TSPEAR: variants seen among roughly 807,000 people sequenced by gnomAD.
The protein encoded by TSPEAR is thrombospondin type laminin G domain and EAR repeats.
A neutral mutation model predicts 71.6 loss-of-function variants in TSPEAR; 69 were observed. The observed-to-expected ratio is 0.96, with a 90% CI of 0.79 to 1.18. The LOEUF is 1.18. TSPEAR is among the 50% of genes most tolerant of loss of function. The probability of loss-of-function intolerance (pLI) is 0.00; values close to 1 mark genes in which losing one functional copy is unlikely to be tolerated. For missense variants in TSPEAR, 971 were observed against 894.9 expected (o/e 1.09, Z -1.09); for synonymous variants, 402 against 387.2 (o/e 1.04, Z -0.45).
intron 11 of TSPEAR, among the ~76,000 whole-genome samples, chr21:44,504,515 G>T (rs112069440): frequency 3.0e-4 from 40 of 133,920 alleles, no homozygotes; most frequent in East Asian, 4.7e-4. Flanking sequence ...GCAAGGCTCT[G>T]GGAGGAGGCC....
chr21:44,533,881 G>C lies in TSPEAR; in HGVS notation c.346C>G (p.Leu116Val). The C allele has an allele frequency of 3.7e-6, 6 of 1,612,156 alleles. No homozygotes were observed. The highest frequency in any genetic ancestry group is 3.4e-6 in the Non-Finnish European group (4 of 1,179,806). Residue 116 changes from leucine to valine, a missense_variant, in exon 3 of 12, where the codon CTG becomes GTG. Transcript: ENST00000323084. ...LLTVVAEESD[L>V]LLLGLRLSPA... ...GACAACCGCAGGCCGAGCAGCAGCAGGTCGCTCTCCTCTGCCACCACCGTC... is the reference window on the plus strand; with the variant it reads ...GACAACCGCAGGCCGAGCAGCAGCACGTCGCTCTCCTCTGCCACCACCGTC...
chr21:44,549,688 C>T (rs1231559618), intron 2 of TSPEAR, among the ~76,000 whole-genome samples: 2 of 152,250 alleles, frequency 1.3e-5, no homozygotes, highest in African/African-American at 4.8e-5. Context: ...TTTGAAACCA[C>T]ATCTGGCTAC....
intron 2 of TSPEAR, among the ~76,000 whole-genome samples, chr21:44,555,366 C>A (rs1440341493): frequency 2.0e-5 from 3 of 151,792 alleles, no homozygotes; most frequent in Admixed American, 1.3e-4. Flanking sequence ...AGCCTCCTCT[C>A]CCATCCTCCC....
intron 1 of TSPEAR, among the ~76,000 whole-genome samples, chr21:44,583,622 G>A (rs1979147971): frequency 6.6e-6 from 1 of 152,102 alleles, no homozygotes. Context: ...TGTTCCAGTG[G>A]CTTTTCTACT....
chr21:44,545,570 G>A (rs2053291308), intron 2 of TSPEAR, among the ~76,000 whole-genome samples: 1 of 152,000 alleles, frequency 6.6e-6, no homozygotes, highest in South Asian at 2.1e-4. Flanking sequence ...TATCTTCTCT[G>A]ATTATAATGG....
intron 10 of TSPEAR, among the ~76,000 whole-genome samples, chr21:44,507,550 A>G (rs1339018580): frequency 6.6e-6 from 1 of 152,202 alleles, no homozygotes; most frequent in Admixed American, 6.5e-5. Context: ...TCTGTGTTTC[A>G]TAATTTAGTT....
chr21:44,694,022 A>G lies in TSPEAR; in HGVS notation c.82+17411T>C, dbSNP rs1285599819. Among the ~76,000 whole-genome samples, 3 of 152,226 alleles carry G rather than the reference A, an allele frequency of 2.0e-5. No homozygotes were observed. In the East Asian group the frequency reaches 5.8e-4, roughly 29 times the overall value. On this transcript the variant is annotated intron_variant, in intron 1 of 11. Transcript: ENST00000323084. ...GCTACAGTAATCAAAACAGTGTGGT[A>G]CTAACATAAGGATAGACACAAAAAG...
intron 9 of TSPEAR, chr21:44,511,217 TGCCTGCACAC>T (rs2052363601): frequency 1.3e-5 from 2 of 152,340 alleles, no homozygotes; most frequent in Admixed American, 6.5e-5. Flanking sequence ...TGTGTACACA[TGCCTGCACAC>T]ACCTGCACAC....
At position 44,689,705 on chromosome 21, in the gene TSPEAR, T is replaced by C. The variant is rs1424091176; in HGVS notation, c.82+21728A>G. On this transcript the variant is annotated intron_variant, in intron 1 of 11. Transcript: ENST00000323084. ...TTAGGGTTCCCTTAGAGGGACAGAA[T>C]AGAATGAATATATATATATATATAT... is the stretch of plus-strand genomic sequence containing the variant. 1.7e-3 allele frequency among the ~76,000 whole-genome samples: 56 copies of C among 32,768 alleles called. 1 individual carries two copies. Among genetic ancestry groups the C allele is most frequent in the African/African-American group, 7.8e-3 (51 of 6,500 alleles). The allele number at this position is 32,768 out of a possible 152,430, so 21.5% of individuals were successfully genotyped here. A position where few individuals can be genotyped will look rare whatever the true frequency, so the allele number is the denominator to read the frequency against.
intron 1 of TSPEAR, chr21:44,627,261 C>T: frequency 1.2e-6 from 2 of 1,612,752 alleles, no homozygotes; most frequent in Non-Finnish European, 1.7e-6. Flanking sequence ...GTGAGCCCCC[C>T]TGCTGCGCCA....
chr21:44,523,603 A>G (rs963081397), intron 8 of TSPEAR, among the ~76,000 whole-genome samples: 4 of 151,880 alleles, frequency 2.6e-5, no homozygotes, highest in African/African-American at 9.7e-5. Flanking sequence ...GTAGTTAGGT[A>G]GTCAGTCATC....
intron 1 of TSPEAR, among the ~76,000 whole-genome samples, chr21:44,690,846 C>T (rs1987094056): frequency 6.6e-6 from 1 of 152,184 alleles, no homozygotes; most frequent in Non-Finnish European, 1.5e-5. Context: ...CTTCTGGGCT[C>T]AAGTGATCCT....
intron 1 of TSPEAR, among the ~76,000 whole-genome samples, chr21:44,636,354 C>T (rs1983566957): frequency 6.6e-6 from 1 of 152,188 alleles, no homozygotes; most frequent in Admixed American, 6.5e-5. Flanking sequence ...GACGGGCTTC[C>T]TTTCCCATTG....
At chr21:44,533,606 C>G in intron 3 of TSPEAR, 79 bp downstream of exon 3, 3 of 1,238,354 alleles carry the variant, frequency 2.4e-6, no homozygotes, top group Non-Finnish European at 3.4e-6. Flanking sequence ...AGGTGTTGCT[C>G]GGCGAGCACG....
At chr21:44,617,197 A>G (rs1473315365) in intron 1 of TSPEAR, among the ~76,000 whole-genome samples, 3 of 152,250 alleles carry the variant, frequency 2.0e-5, no homozygotes, top group Admixed American at 2.0e-4. Context: ...CAGGTGGCAG[A>G]GGCCCCAGCT....
chr21:44,688,682 C>T (rs1408549922), intron 1 of TSPEAR, among the ~76,000 whole-genome samples: 4 of 152,036 alleles, frequency 2.6e-5, no homozygotes, highest in African/African-American at 9.7e-5. Context: ...GGACTCCAGC[C>T]TGGGCAACAG....
intron 1 of TSPEAR, chr21:44,676,657 C>T: frequency 2.6e-6 from 2 of 769,720 alleles, no homozygotes; most frequent in South Asian, 1.4e-5. Flanking sequence ...AAGGACATCT[C>T]ACAAGTGATC....
At position 44,600,783 on chromosome 21, in the gene TSPEAR, C is replaced by A. The variant is rs1207848074; in HGVS notation, c.83-32778G>T. ...GCTGCGCCCCGGCCCCCTGCCTGAG[C>A]CTGGTCTGCACCCCAGTGAGCTATG... On this transcript the variant is annotated intron_variant, in intron 1 of 11. Transcript: ENST00000323084. 1.9e-6 allele frequency: 3 copies of A among 1,594,892 alleles called. No individual in the cohort carries two copies. In the African/African-American group the frequency reaches 4.4e-5, roughly 23 times the overall value.
In TSPEAR at chr21:44,527,457, C is replaced by T. The variant is rs782442669; in HGVS notation, c.984G>A (p.Leu328=). Reference sequence around the variant, plus strand: ...GAGGGATGCGGAACACCTCAATGCCCAGGGTCTCTGAGTTGGTGGACAAGT... The same window carrying T: ...GAGGGATGCGGAACACCTCAATGCCTAGGGTCTCTGAGTTGGTGGACAAGT... ...HQNLSTNSET[L]GIEVFRIPQV... Residue 328 remains leucine, a synonymous_variant, in exon 7 of 12, where the codon CTG becomes CTA. Transcript: ENST00000323084. 3 of 1,614,106 alleles carry T rather than the reference C, an allele frequency of 1.9e-6. No homozygotes were observed. The highest frequency in any genetic ancestry group is 2.7e-5 in the African/African-American group (2 of 74,934).
Sources: allele counts gnomAD v4.1 joint callset (sites outside exome capture counted in the v4.1 genomes callset), GRCh38; gene constraint gnomAD v4.1.1; transcripts MANE v1.5; gene names NCBI Gene and HGNC (gene_info 2026-07-23, HGNC 2026-07-21).